UBAP1: variants seen among roughly 807,000 people sequenced by gnomAD.
UBAP1 encodes ubiquitin associated protein 1.
UBAP1 carries 5 observed loss-of-function variants against 39.0 expected under a neutral mutation model. The ratio of observed to expected loss-of-function variants is 0.13; its 90% confidence interval spans 0.07 to 0.27. The LOEUF (loss-of-function observed/expected upper bound fraction) is 0.27. Among genes scored for constraint, UBAP1 ranks in the 10% least tolerant of loss-of-function variants. UBAP1 has a pLI of 1.00. For synonymous variants in UBAP1, 211 were observed against 225.1 expected (o/e 0.94, Z 0.56); for missense variants, 490 against 608.1 (o/e 0.81, Z 2.04).
intron 1 of UBAP1, among the ~76,000 whole-genome samples, chr9:34,205,718 A>C (rs1393446339): frequency 6.6e-6 from 1 of 152,102 alleles, no homozygotes. Context: ...GGTTGGCAGG[A>C]CGTGGTGGCT....
At chr9:34,190,583 C>G (rs867950298) in intron 1 of UBAP1, among the ~76,000 whole-genome samples, 4 of 151,888 alleles carry the variant, frequency 2.6e-5, no homozygotes, top group African/African-American at 7.2e-5. Context: ...AGCCACCATG[C>G]CTGGCAGTTC....
chr9:34,241,611 T>C lies in UBAP1; in HGVS notation c.586T>C (p.Leu196=), dbSNP rs1471706220. 24 of 1,614,072 alleles carry C rather than the reference T, an allele frequency of 1.5e-5. No individual in the cohort carries two copies. The highest frequency in any genetic ancestry group is 1.9e-5 in the Non-Finnish European group (22 of 1,180,034). ...GTTGPIMAQL[L]DNNLPRGGSG... is the part of the protein sequence containing the mutation. The stretch of plus-strand genomic sequence containing the variant: ...CACTGGACCCATTATGGCTCAGTTA[T>C]TGGACAATAACTTGCCCAGGGGAGG... The change falls in exon 4 of 7, where the codon TTG becomes CTG. Residue 196 remains leucine (L), a synonymous_variant. Transcript: ENST00000297661.
intron 4 of UBAP1, among the ~76,000 whole-genome samples, chr9:34,248,909 C>T (rs551125054): frequency 3.9e-5 from 6 of 152,344 alleles, no homozygotes; most frequent in African/African-American, 1.4e-4. Flanking sequence ...CTTGTGACCT[C>T]GTTCCTGTGG....
Position 34,234,198 on chromosome 9 carries a change from C to T in UBAP1, c.35-18C>T. On this transcript the variant is annotated intron_variant, in intron 2 of 6. Transcript: ENST00000297661. ...TGAAGTTCTTTGCTGATATTTTCTACTTTATTTTTGATTATAGGGACTTTC... is the reference window on the plus strand; with the variant it reads ...TGAAGTTCTTTGCTGATATTTTCTATTTTATTTTTGATTATAGGGACTTTC... 6.3e-7 allele frequency: 1 copy of T among 1,586,530 alleles called. No individual in the cohort carries two copies. Among genetic ancestry groups the T allele is most frequent in the Non-Finnish European group, 8.5e-7 (1 of 1,172,056 alleles).
At chr9:34,250,201 CCCT>C (rs959519193) in intron 5 of UBAP1, among the ~76,000 whole-genome samples, 21 of 152,332 alleles carry the variant, frequency 1.4e-4, no homozygotes, top group African/African-American at 5.1e-4. Flanking sequence ...TCCAACTACC[CCCT>C]CCTTTCTCTG....
intron 1 of UBAP1, among the ~76,000 whole-genome samples, chr9:34,182,643 CTTT>C (rs1563880998): frequency 1.1e-5 from 1 of 91,822 alleles, no homozygotes; most frequent in Non-Finnish European, 2.6e-5. Context: ...TTCTTTCTTT[CTTT>C]CTTTCTTTCT....
rs531401307 is a variant in UBAP1 at position 34,235,396 on chromosome 9, C to T, written c.159+1056C>T. ...CTCTGTCGCCCAGGCTGGAGTGCAG[C>T]GGTGCAATCTTGGCTCACTGCAAGC... is the stretch of plus-strand genomic sequence containing the variant. On this transcript the variant is annotated intron_variant, in intron 3 of 6. Transcript: ENST00000297661. 4.6e-4 allele frequency among the ~76,000 whole-genome samples: 69 copies of T among 151,154 alleles called. 1 individual carries two copies. The highest frequency in any genetic ancestry group is 1.6e-3 in the African/African-American group (66 of 41,166).
At position 34,193,205 on chromosome 9, in the gene UBAP1, G is replaced by T. The variant is rs1004952624; in HGVS notation, c.-8+13965G>T. ...TGCACCTAGAATCCCAGTTACTCAG[G>T]GGGGCTGAGGCAGGAGGATCGCTTG... On this transcript the variant is annotated intron_variant, in intron 1 of 6. Transcript: ENST00000297661. Among the ~76,000 whole-genome samples the T allele has an allele frequency of 2.6e-5, 4 of 152,074 alleles. No individual in the cohort carries two copies. The South Asian group carries it at 6.2e-4, about 24-fold the overall frequency.
intron 1 of UBAP1, among the ~76,000 whole-genome samples, chr9:34,181,350 T>C (rs1311744281): frequency 1.4e-5 from 2 of 147,826 alleles, no homozygotes; most frequent in African/African-American, 5.0e-5. Context: ...TCTGCTGACC[T>C]CGTGATCCAC....
intron 1 of UBAP1, among the ~76,000 whole-genome samples, chr9:34,216,898 T>C (rs1343915003): frequency 6.6e-6 from 1 of 151,942 alleles, no homozygotes. Context: ...TTTTGAAATA[T>C]AGAATATATT....
intron 4 of UBAP1, among the ~76,000 whole-genome samples, chr9:34,243,437 T>C (rs765354633): frequency 6.6e-6 from 1 of 152,094 alleles, no homozygotes; most frequent in Non-Finnish European, 1.5e-5. Context: ...GAGAATTTGC[T>C]GCCTTCCACC....
At chr9:34,230,462 T>G (rs1215477129) in intron 2 of UBAP1, among the ~76,000 whole-genome samples, 1 of 152,250 alleles carries the variant, frequency 6.6e-6, no homozygotes, top group Non-Finnish European at 1.5e-5. Context: ...GCTTGTTAAC[T>G]TGACTGTAAA....
chr9:34,207,108 A>G (rs959793443), intron 1 of UBAP1, among the ~76,000 whole-genome samples: 2 of 135,222 alleles, frequency 1.5e-5, no homozygotes, highest in Non-Finnish European at 3.0e-5. Flanking sequence ...CTGGAGTGCA[A>G]TGGTGTGAGC....
chr9:34,208,695 G>A lies in UBAP1; in HGVS notation c.-7-12213G>A, dbSNP rs1025329234. ...TGGGAGGCTGAGGCAGGTCAATGGC[G>A]TGAACCTGGGAGGCGGAGTTTGCAG... On this transcript the variant is annotated intron_variant, in intron 1 of 6. Transcript: ENST00000297661. Among the ~76,000 whole-genome samples the A allele has an allele frequency of 4.7e-4, 71 of 150,666 alleles. 2 individuals carry two copies. The highest frequency in any genetic ancestry group is 1.4e-3 in the African/African-American group (58 of 41,076).
At chr9:34,192,912 A>C (rs1393616697) in intron 1 of UBAP1, among the ~76,000 whole-genome samples, 3 of 151,794 alleles carry the variant, frequency 2.0e-5, no homozygotes, top group African/African-American at 7.3e-5. Context: ...TTATTTTTCT[A>C]TATTGGACTC....
chr9:34,189,354 A>C (rs1360320133), intron 1 of UBAP1, among the ~76,000 whole-genome samples: 1 of 151,470 alleles, frequency 6.6e-6, no homozygotes, highest in Admixed American at 6.6e-5. Flanking sequence ...ATGCCTGGCT[A>C]ATTTTTATAT....
intron 1 of UBAP1, chr9:34,201,312 G>A (rs527961143): frequency 6.6e-6 from 1 of 152,280 alleles, no homozygotes; most frequent in African/African-American, 2.4e-5. Context: ...GGGAGGGTGA[G>A]GTGGCCAGAT....
Position 34,251,963 on chromosome 9 carries a change from T to C in UBAP1, c.*431T>C. On this transcript the variant is annotated 3_prime_UTR_variant, in exon 7 of 7. Coordinates refer to ENST00000297661, the MANE Select transcript of UBAP1 (RefSeq NM_016525.5). ...TTCCCCTGAGACTGGTGGACTGAAC[T>C]CCAGTCAAGTTGAGTTCAAGTGAAA... is the stretch of plus-strand genomic sequence containing the variant. The C allele has an allele frequency of 6.2e-6, 1 of 161,172 alleles. No individual in the cohort carries two copies. The highest frequency in any genetic ancestry group is 1.9e-4 in the South Asian group (1 of 5,288). 10.0% of individuals were successfully genotyped at this position (161,172 alleles called of 1,614,324 possible). A position where few individuals can be genotyped will look rare whatever the true frequency, so the allele number is the denominator to read the frequency against.
intron 1 of UBAP1, among the ~76,000 whole-genome samples, chr9:34,207,308 A>G (rs944057305): frequency 1.3e-5 from 2 of 150,702 alleles, no homozygotes; most frequent in African/African-American, 4.9e-5. Context: ...AGCCTCCCAA[A>G]GTGCTGGGAT....
Sources: allele counts gnomAD v4.1 joint callset (sites outside exome capture counted in the v4.1 genomes callset), GRCh38; gene constraint gnomAD v4.1.1; transcripts MANE v1.5; gene names NCBI Gene and HGNC (gene_info 2026-07-23, HGNC 2026-07-21).